FILIP1L: variants seen among roughly 807,000 people sequenced by gnomAD.
FILIP1L encodes the protein filamin A interacting protein 1 like, also known as filamin A-interacting protein 1-like.
FILIP1L carries 55 observed loss-of-function variants against 96.6 expected under a neutral mutation model. That is an observed-to-expected ratio of 0.57 (90% confidence interval 0.46 to 0.71). The LOEUF (loss-of-function observed/expected upper bound fraction) is 0.71, where lower values mean the gene tolerates loss of function less well. Among genes scored for constraint, FILIP1L ranks in the 30% least tolerant of loss-of-function variants. The probability of loss-of-function intolerance (pLI) is 0.00; values close to 1 mark genes in which losing one functional copy is unlikely to be tolerated. For missense variants in FILIP1L, 1,304 were observed against 1,321.2 expected, an observed-to-expected ratio of 0.99 and a Z score of 0.20; for synonymous variants, 467 against 473.9, an observed-to-expected ratio of 0.99 and a Z score of 0.19.
At chr3:99,911,321 T>C (rs1706780860) in intron 4 of FILIP1L, among the ~76,000 whole-genome samples, 1 of 148,514 alleles carries the variant, frequency 6.7e-6, no homozygotes, top group South Asian at 2.1e-4. Context: ...TTATATATTA[T>C]ATAATATATA....
chr3:99,983,436 ATATATGTATGTATATATATATATGTGTG>A (rs1709206745), intron 1 of FILIP1L, among the ~76,000 whole-genome samples: 12 of 69,296 alleles, frequency 1.7e-4, no homozygotes, highest in African/African-American at 2.4e-4. Flanking sequence ...ATGTATGTAT[ATATATGTATGTATATATATATATGTGTG>A]TATATATATA....
chr3:100,029,326 A>G (rs2064983426), intron 1 of FILIP1L, among the ~76,000 whole-genome samples: 1 of 152,058 alleles, frequency 6.6e-6, no homozygotes, highest in South Asian at 2.1e-4. Flanking sequence ...TAGTCACATA[A>G]CACTATTGAT....
At position 99,850,024 on chromosome 3, in the gene FILIP1L, G is replaced by A. The variant is rs769101256; in HGVS notation, c.1652C>T (p.Thr551Ile). 27 of 1,607,980 alleles carry A rather than the reference G, an allele frequency of 1.7e-5. No homozygotes were observed. In the Admixed American group the frequency reaches 3.6e-4, roughly 21 times the overall value. ...EETKRALKSK[T>I]DVEEKMYSVT... is the part of the protein sequence containing the mutation. ...GCTGTACATCTTTTCTTCTACATCG[G>A]TTTTGGACTTGAGCGCCCTTTTAGT... Residue 551 changes from threonine to isoleucine, a missense_variant, in exon 5 of 6, where the codon ACC becomes ATC. Transcript: ENST00000477258.
intron 4 of FILIP1L, among the ~76,000 whole-genome samples, chr3:99,892,163 T>C (rs964735356): frequency 2.0e-5 from 3 of 152,192 alleles, no homozygotes; most frequent in Non-Finnish European, 2.9e-5. Context: ...ACTGTTCTTA[T>C]GTGAATGATG....
At chr3:99,831,854 A>T (rs1277521140) in intron 5 of FILIP1L, among the ~76,000 whole-genome samples, 1 of 152,226 alleles carries the variant, frequency 6.6e-6, no homozygotes, top group Non-Finnish European at 1.5e-5. Context: ...CACTTGGAAA[A>T]GTGCTGCCAT....
intron 1 of FILIP1L, among the ~76,000 whole-genome samples, chr3:99,976,750 A>T (rs1366311908): frequency 6.6e-6 from 1 of 152,120 alleles, no homozygotes. Context: ...TACCCTACTC[A>T]GAGTTCTTCA....
chr3:99,990,768 A>C (rs551980964), intron 1 of FILIP1L, among the ~76,000 whole-genome samples: 1 of 152,250 alleles, frequency 6.6e-6, no homozygotes, highest in African/African-American at 2.4e-5. Context: ...AAAAAAATTT[A>C]CCTATATTTG....
chr3:99,941,027 TC>T (rs1178668441), intron 1 of FILIP1L, among the ~76,000 whole-genome samples: 1 of 152,262 alleles, frequency 6.6e-6, no homozygotes, highest in Non-Finnish European at 1.5e-5. Context: ...CCATTTATCT[TC>T]CTATAACTGG....
intron 1 of FILIP1L, among the ~76,000 whole-genome samples, chr3:99,945,080 G>A (rs1036767771): frequency 1.3e-5 from 2 of 152,114 alleles, no homozygotes; most frequent in African/African-American, 4.8e-5. Flanking sequence ...AAGCATCAAG[G>A]AAAATACACA....
intron 1 of FILIP1L, among the ~76,000 whole-genome samples, chr3:100,013,787 C>G (rs767134466): frequency 2.0e-5 from 3 of 152,114 alleles, no homozygotes; most frequent in Middle Eastern, 6.3e-3. Context: ...TCCAGCTAAT[C>G]AACATATTCA....
intron 4 of FILIP1L, among the ~76,000 whole-genome samples, chr3:99,923,619 C>T (rs1363881896): frequency 6.6e-6 from 1 of 152,214 alleles, no homozygotes; most frequent in East Asian, 1.9e-4. Context: ...TCATCTTTCT[C>T]ATCTGGATAT....
At chr3:99,922,034 C>G (rs959565442) in intron 4 of FILIP1L, among the ~76,000 whole-genome samples, 1 of 152,208 alleles carries the variant, frequency 6.6e-6, no homozygotes, top group Non-Finnish European at 1.5e-5. Flanking sequence ...CAGAACTCTC[C>G]TCCAATAGCC....
At chr3:99,940,693 A>G (rs1255644507) in intron 1 of FILIP1L, among the ~76,000 whole-genome samples, 1 of 152,200 alleles carries the variant, frequency 6.6e-6, no homozygotes, top group African/African-American at 2.4e-5. Flanking sequence ...AGAGAACCCG[A>G]AATTTCCTAC....
chr3:100,037,966 G>T (rs985649316), intron 1 of FILIP1L, among the ~76,000 whole-genome samples: 6 of 7,348 alleles, frequency 8.2e-4, no homozygotes, highest in African/African-American at 1.8e-3. Context: ...TGGGGGGGGA[G>T]GGAACAGAGT....
At chr3:99,861,049 TCA>T (rs1944226460) in intron 4 of FILIP1L, among the ~76,000 whole-genome samples, 1 of 152,196 alleles carries the variant, frequency 6.6e-6, no homozygotes, top group Non-Finnish European at 1.5e-5. Flanking sequence ...CTCATTTTTC[TCA>T]CTTTTCTTTT....
At chr3:99,968,388 T>C (rs933696064) in intron 1 of FILIP1L, among the ~76,000 whole-genome samples, 3 of 150,156 alleles carry the variant, frequency 2.0e-5, no homozygotes, top group African/African-American at 7.4e-5. Flanking sequence ...TACTGTTGAA[T>C]AGTAGTATGA....
At chr3:99,983,059 A>AT (rs796631052) in intron 1 of FILIP1L, among the ~76,000 whole-genome samples, 4 of 152,322 alleles carry the variant, frequency 2.6e-5, no homozygotes, top group African/African-American at 9.6e-5. Flanking sequence ...CCCATCAGGA[A>AT]TAACACATGC....
intron 5 of FILIP1L, among the ~76,000 whole-genome samples, chr3:99,837,754 G>A (rs1015869088): frequency 6.6e-6 from 1 of 152,208 alleles, no homozygotes; most frequent in Non-Finnish European, 1.5e-5. Context: ...TTAAGTTACA[G>A]TGTTCCTTGA....
chr3:99,964,173 T>G (rs961567951), intron 1 of FILIP1L: 1 of 152,376 alleles, frequency 6.6e-6, no homozygotes, highest in African/African-American at 2.4e-5. Context: ...TTATAAGCAG[T>G]GATAATTCTA....
Sources: gnomAD v4.1 joint callset for allele counts (sites outside exome capture counted in the v4.1 genomes callset) on GRCh38, gnomAD v4.1.1 for gene constraint, MANE v1.5 for transcripts, NCBI Gene and HGNC (gene_info 2026-07-23, HGNC 2026-07-21) for gene names.